Variants in TMEM178B observed in about 807,000 individuals in gnomAD.
The protein encoded by TMEM178B is transmembrane protein 178B.
A neutral mutation model predicts 31.0 loss-of-function variants in TMEM178B; 5 were observed. That is an observed-to-expected ratio of 0.16 (90% confidence interval 0.08 to 0.34). The LOEUF (loss-of-function observed/expected upper bound fraction) is 0.34. Ranked by LOEUF, TMEM178B falls within the 10% of genes least tolerant of loss-of-function variation. TMEM178B has a pLI of 1.00. For missense variants in TMEM178B, 275 were observed against 400.3 expected (o/e 0.69, Z 2.67); for synonymous variants, 164 against 164.0 (o/e 1.00, Z 0.00).
intron 3 of TMEM178B, among the ~76,000 whole-genome samples, chr7:141,452,590 G>T (rs1801885677): frequency 6.6e-6 from 1 of 152,128 alleles, no homozygotes; most frequent in African/African-American, 2.4e-5. Context: ...TATTGCAGTA[G>T]TTTGGGAGTC....
chr7:141,459,065 T>TA (rs1802015420), intron 3 of TMEM178B, among the ~76,000 whole-genome samples: 1 of 152,232 alleles, frequency 6.6e-6, no homozygotes, highest in Non-Finnish European at 1.5e-5. Flanking sequence ...GTTTCACTCT[T>TA]ATTGCCCAGG....
At chr7:141,454,555 C>T (rs1201791087) in intron 3 of TMEM178B, among the ~76,000 whole-genome samples, 1 of 113,536 alleles carries the variant, frequency 8.8e-6, no homozygotes, top group East Asian at 2.1e-4. Context: ...CTTCTCTCCT[C>T]TCTCTCCTCT....
intron 2 of TMEM178B, among the ~76,000 whole-genome samples, chr7:141,254,271 C>T (rs1036331971): frequency 1.3e-5 from 2 of 152,208 alleles, no homozygotes; most frequent in Non-Finnish European, 2.9e-5. Context: ...TAAGCCCTAA[C>T]AGGTGATGCC....
rs574384416 is a variant in TMEM178B at position 141,406,931 on chromosome 7, A to T, written c.497-30677A>T. ...ATAGCCAGTTTCACTGTAATGAATTAGGGAAGGGGAAAAAAGTATCTTAAA... is the reference window on the plus strand; with the variant it reads ...ATAGCCAGTTTCACTGTAATGAATTTGGGAAGGGGAAAAAAGTATCTTAAA... On this transcript the variant is annotated intron_variant, in intron 2 of 3. Transcript: ENST00000565468. Among the ~76,000 whole-genome samples, 164 of 152,278 alleles carry T rather than the reference A, an allele frequency of 1.1e-3. 3 individuals carry two copies. In the South Asian group the frequency reaches 0.031, roughly 29 times the overall value.
intron 1 of TMEM178B, among the ~76,000 whole-genome samples, chr7:141,091,336 G>A (rs1385535925): frequency 6.6e-6 from 1 of 152,126 alleles, no homozygotes; most frequent in Non-Finnish European, 1.5e-5. Flanking sequence ...CCCTTTCACT[G>A]GAAAACTGTC....
chr7:141,264,117 T>A (rs1419425351), intron 2 of TMEM178B, among the ~76,000 whole-genome samples: 2 of 152,094 alleles, frequency 1.3e-5, no homozygotes, highest in Non-Finnish European at 2.9e-5. Context: ...CTCCATCACA[T>A]AAGTAGGGTT....
rs563640476 is a variant in TMEM178B, at chr7:141,331,766, G to A, written c.497-105842G>A. Among the ~76,000 whole-genome samples the A allele has an allele frequency of 3.3e-5, 5 of 152,270 alleles. No homozygotes were observed. The East Asian group carries it at 7.7e-4, about 24-fold the overall frequency. On this transcript the variant is annotated intron_variant, in intron 2 of 3. Transcript: ENST00000565468. ...GGCTGATGCAGTGAGCCTGATGGAG[G>A]GCAAGTGTCTATCTGCTGAACCTTC... is the stretch of plus-strand genomic sequence containing the variant.
intron 2 of TMEM178B, among the ~76,000 whole-genome samples, chr7:141,320,987 C>T (rs17162107): frequency 0.33 from 50,436 of 151,984 alleles, 10,756 homozygotes; most frequent in African/African-American, 0.6. Flanking sequence ...AGTTTGTTTC[C>T]CACCTGGACC....
At chr7:141,185,869 G>A (rs1796602424) in intron 1 of TMEM178B, among the ~76,000 whole-genome samples, 1 of 152,008 alleles carries the variant, frequency 6.6e-6, no homozygotes, top group South Asian at 2.1e-4. Flanking sequence ...TGCATTCAGG[G>A]CTTTTCTGGG....
At chr7:141,139,784 A>G (rs1473783765) in intron 1 of TMEM178B, among the ~76,000 whole-genome samples, 1 of 149,346 alleles carries the variant, frequency 6.7e-6, no homozygotes, top group Non-Finnish European at 1.5e-5. Flanking sequence ...TTTTTTTGAG[A>G]CAGAGTCTCT....
At chr7:141,427,005 A>G (rs1176382251) in intron 2 of TMEM178B, among the ~76,000 whole-genome samples, 1 of 152,166 alleles carries the variant, frequency 6.6e-6, no homozygotes, top group Non-Finnish European at 1.5e-5. Context: ...ATTTACCCAA[A>G]TGGGGTGAAA....
Position 141,478,970 on chromosome 7 carries a change from C to T in TMEM178B, c.*8184C>T, listed in dbSNP as rs151100159. 22 of 152,362 alleles carry T rather than the reference C, an allele frequency of 1.4e-4. No homozygotes were observed. The East Asian group carries it at 4.2e-3, about 29-fold the overall frequency. The allele number at this position is 152,362 out of a possible 1,614,324, so 9.4% of individuals were successfully genotyped here. A position where few individuals can be genotyped will look rare whatever the true frequency, so the allele number is the denominator to read the frequency against. On this transcript the variant is annotated 3_prime_UTR_variant, in exon 4 of 4. Transcript: ENST00000565468. The stretch of plus-strand genomic sequence containing the variant: ...GCTATGTCGAGGCTGCTGTCTCAGC[C>T]TCTGGAAGTTCTGCTTCACCTGCTT...
chr7:141,497,442 T>C, the TMEM178B span, among the ~76,000 whole-genome samples: 1 of 152,228 alleles, frequency 6.6e-6, no homozygotes, highest in Non-Finnish European at 1.5e-5. Context: ...TCCGTTACTT[T>C]GTTACCCCCT....
chr7:141,450,519 C>G (rs1801844164), intron 3 of TMEM178B, among the ~76,000 whole-genome samples: 1 of 152,144 alleles, frequency 6.6e-6, no homozygotes, highest in African/African-American at 2.4e-5. Context: ...GTTGTTTCAG[C>G]AGAAAAGAGG....
chr7:141,164,207 A>C (rs1796225311), intron 1 of TMEM178B, among the ~76,000 whole-genome samples: 1 of 152,218 alleles, frequency 6.6e-6, no homozygotes, highest in Non-Finnish European at 1.5e-5. Flanking sequence ...TTGGTTCCTG[A>C]AACTCAAAAT....
At chr7:141,086,475 G>A (rs962036169) in intron 1 of TMEM178B, among the ~76,000 whole-genome samples, 7 of 152,018 alleles carry the variant, frequency 4.6e-5, no homozygotes, top group Non-Finnish European at 1.5e-5. Context: ...AGAAAGGTAG[G>A]GTGCAGAATG....
intron 1 of TMEM178B, among the ~76,000 whole-genome samples, chr7:141,206,875 A>G (rs954900509): frequency 6.6e-6 from 1 of 152,222 alleles, no homozygotes; most frequent in Admixed American, 6.5e-5. Flanking sequence ...ATAAGGTTAT[A>G]TAGCAGATCT....
chr7:141,228,034 G>A (rs1294683410), intron 2 of TMEM178B, among the ~76,000 whole-genome samples: 4 of 151,362 alleles, frequency 2.6e-5, no homozygotes, highest in Non-Finnish European at 4.4e-5. Context: ...GAAATAAGGT[G>A]TGTGTACACA....
intron 2 of TMEM178B, among the ~76,000 whole-genome samples, chr7:141,362,444 C>T (rs1351432517): frequency 3.3e-5 from 5 of 152,090 alleles, no homozygotes; most frequent in Non-Finnish European, 5.9e-5. Flanking sequence ...CCCATGGTGC[C>T]TATAAAACCG....
Sources: gnomAD v4.1 joint callset for allele counts (sites outside exome capture counted in the v4.1 genomes callset) on GRCh38, gnomAD v4.1.1 for gene constraint, MANE v1.5 for transcripts, NCBI Gene and HGNC (gene_info 2026-07-23, HGNC 2026-07-21) for gene names.